The following SVEP1 variants were observed in gnomAD, a reference collection of about 807,000 sequenced individuals.
SVEP1 encodes sushi, von Willebrand factor type A, EGF and pentraxin domain containing 1, also known as sushi, von Willebrand factor type A, EGF and pentraxin domain-containing protein 1.
In SVEP1, 164 loss-of-function variants were observed where a neutral mutation model predicts 367.3. The observed-to-expected ratio is 0.45, with a 90% confidence interval of 0.39 to 0.51. The LOEUF is 0.51. SVEP1 is among the 20% of genes least tolerant of loss of function. The pLI, the probability that SVEP1 is intolerant of heterozygous loss-of-function variation, is 0.00. For missense variants in SVEP1, 4,117 were observed against 4,425.3 expected (o/e 0.93, Z 1.98); for synonymous variants, 1,666 against 1,611.6 (o/e 1.03, Z -0.81).
chr9:110,379,504 A>G lies in SVEP1; in HGVS notation c.10251T>C (p.Gly3417=). The change falls in exon 44 of 48, where the codon GGT becomes GGC. Residue 3417 remains glycine, a synonymous_variant. Coordinates refer to ENST00000374469, the MANE Select transcript of SVEP1 (RefSeq NM_153366.4). ...TSAKCEKISC[G]PPAHVENAIA... ...TTGCATTTTCTACGTGAGCTGGTGG[A>G]CCACATGAGATTTCTACAGGATAAC... is the stretch of plus-strand genomic sequence containing the variant. 2 of 1,613,648 alleles carry G rather than the reference A, an allele frequency of 1.2e-6. No individual in the cohort carries two copies. Among genetic ancestry groups the G allele is most frequent in the Non-Finnish European group, 1.7e-6 (2 of 1,179,716 alleles).
chr9:110,556,128 C>T (rs117715783), intron 1 of SVEP1, among the ~76,000 whole-genome samples: 2,120 of 152,248 alleles, frequency 0.014, 25 homozygotes, highest in South Asian at 0.027. Flanking sequence ...ATCAAGCCTC[C>T]GATTAGCTTG....
chr9:110,446,572 A>G (rs1828603777), intron 25 of SVEP1, among the ~76,000 whole-genome samples: 1 of 151,716 alleles, frequency 6.6e-6, no homozygotes, highest in Admixed American at 6.5e-5. Context: ...CTGATTCTCA[A>G]ACATGTCCAT....
At chr9:110,507,923 C>T (rs1374875845) in intron 5 of SVEP1, among the ~76,000 whole-genome samples, 2 of 152,106 alleles carry the variant, frequency 1.3e-5, no homozygotes, top group Non-Finnish European at 2.9e-5. Context: ...AGAGTCGGTG[C>T]CTCATATAGA....
intron 1 of SVEP1, among the ~76,000 whole-genome samples, chr9:110,565,969 A>G (rs1280820313): frequency 6.6e-6 from 1 of 151,966 alleles, no homozygotes; most frequent in Non-Finnish European, 1.5e-5. Flanking sequence ...CACCTGGTCA[A>G]GTTACTTACA....
In SVEP1 at chr9:110,408,006, C is replaced by A; in HGVS notation, c.7594G>T (p.Gly2532Cys). 1 of 1,614,008 alleles carries A rather than the reference C, an allele frequency of 6.2e-7. No individual in the cohort carries two copies. Among genetic ancestry groups the A allele is most frequent in the Non-Finnish European group, 8.5e-7 (1 of 1,179,896 alleles). The change falls in exon 38 of 48, where the codon GGT becomes TGT. Residue 2532 changes from glycine to cysteine, a missense_variant. Gly to Cys is a radical substitution (Grantham distance 159, BLOSUM62 -3). Transcript: ENST00000374469. ...YSCNRGFRLE[G>C]PSALTCLETG... Reference sequence around the variant, plus strand: ...TCTAAACAGGTCAAGGCACTGGGACCTTCGAGCCGAAAGCCTCGGTTGCAA... The same window carrying A: ...TCTAAACAGGTCAAGGCACTGGGACATTCGAGCCGAAAGCCTCGGTTGCAA...
At chr9:110,395,466 G>A (rs373487469) in intron 40 of SVEP1, among the ~76,000 whole-genome samples, 77 of 151,950 alleles carry the variant, frequency 5.1e-4, no homozygotes, top group Admixed American at 2.0e-3. Context: ...ATAGCCAGCT[G>A]ACATCATAAT....
chr9:110,499,521 AC>A (rs1441051041), intron 6 of SVEP1, among the ~76,000 whole-genome samples: 1 of 152,204 alleles, frequency 6.6e-6, no homozygotes, highest in African/African-American at 2.4e-5. Flanking sequence ...TGCTTGGAGC[AC>A]ATTCATTTAG....
At chr9:110,376,232 A>G (rs1319610) in intron 45 of SVEP1, among the ~76,000 whole-genome samples, 130,689 of 152,162 alleles carry the variant, frequency 0.86, 56,554 homozygotes, top group African/African-American at 0.97. Flanking sequence ...CTTGGGAAGC[A>G]CTGGTATAAT....
intron 4 of SVEP1, 108 bp from the exon 5 acceptor site, chr9:110,513,213 C>T (rs1291321215): frequency 1.9e-6 from 2 of 1,035,952 alleles, no homozygotes; most frequent in East Asian, 2.6e-5. Flanking sequence ...TGTCAATTGC[C>T]TACAGCATTT....
chr9:110,461,006 GTT>G (rs964620108), intron 18 of SVEP1, among the ~76,000 whole-genome samples: 1 of 151,998 alleles, frequency 6.6e-6, no homozygotes, highest in African/African-American at 2.4e-5. Context: ...CTACTTGCTT[GTT>G]TTTTGTATTC....
rs1827850600 is a variant in SVEP1, at chr9:110,400,943, C to G, written c.9733G>C (p.Glu3245Gln). The change falls in exon 40 of 48, where the codon GAA (glutamate) becomes CAA (glutamine). Residue 3245 changes from glutamate (E) to glutamine (Q), a missense_variant. Glu to Gln is a conservative substitution (Grantham distance 29). Around this residue, in one of 4 missense-constraint regions of SVEP1, gnomAD observed 1,765 missense variants for 1,781.1 expected, o/e 0.99. Transcript: ENST00000374469. Reference protein sequence around the residue: ...SCSPVSCGKPESPEHGFVVGS... With the variant: ...SCSPVSCGKPQSPEHGFVVGS... ...ACCACAAATCCATGTTCTGGACTTT[C>G]AGGTTTCCCACAAGAAACTGGACTG... 1.2e-6 allele frequency: 2 copies of G among 1,613,830 alleles called. No individual in the cohort carries two copies. Among genetic ancestry groups the G allele is most frequent in the African/African-American group, 2.7e-5 (2 of 74,930 alleles).
rs71371665 is a variant in SVEP1 at position 110,403,296 on chromosome 9, G to GTTTT, written c.9666+1027_9666+1030dup. 2.3e-3 allele frequency among the ~76,000 whole-genome samples: 99 copies of GTTTT among 43,462 alleles called. 23 individuals carry two copies. The highest frequency in any genetic ancestry group is 2.7e-3 in the Non-Finnish European group (74 of 27,060). 28.5% of individuals were successfully genotyped at this position (43,462 alleles called of 152,430 possible). ...TGATGATTCCTTCCCCGCCACCGCC[G>GTTTT]TTTTTTTTTTTTTTTTTTTTTTTTT... On this transcript the variant is annotated intron_variant, in intron 39 of 47. Coordinates refer to ENST00000374469, the MANE Select transcript of SVEP1 (RefSeq NM_153366.4).
intron 5 of SVEP1, among the ~76,000 whole-genome samples, chr9:110,504,775 A>C (rs1829597449): frequency 6.6e-6 from 1 of 151,708 alleles, no homozygotes; most frequent in Admixed American, 6.6e-5. Context: ...CCTTGATACC[A>C]GCTATACACA....
chr9:110,506,600 C>G (rs13301599), intron 5 of SVEP1, among the ~76,000 whole-genome samples: 42,233 of 152,088 alleles, frequency 0.28, 5,986 homozygotes, highest in Middle Eastern at 0.48. Flanking sequence ...TCCATCAGTT[C>G]CCACACCCTC....
At chr9:110,491,606 T>TGTGG (rs1829367713) in intron 8 of SVEP1, among the ~76,000 whole-genome samples, 1 of 151,618 alleles carries the variant, frequency 6.6e-6, no homozygotes, top group Non-Finnish European at 1.5e-5. Flanking sequence ...TGTGTGTGTG[T>TGTGG]GTGTGTGTGT....
intron 36 of SVEP1, among the ~76,000 whole-genome samples, chr9:110,412,128 T>A (rs1828054042): frequency 6.6e-6 from 1 of 152,208 alleles, no homozygotes; most frequent in Admixed American, 6.5e-5. Flanking sequence ...GCTATACATT[T>A]AAAAAATAAA....
intron 18 of SVEP1, 23 bp downstream of exon 18, chr9:110,465,842 T>C (rs1301215090): frequency 6.2e-7 from 1 of 1,605,398 alleles, no homozygotes; most frequent in Non-Finnish European, 8.5e-7. Flanking sequence ...TAAAGAAATA[T>C]CAATGTCTAA....
At position 110,503,563 on chromosome 9, in the gene SVEP1, A is replaced by AT. The variant is rs542835644; in HGVS notation, c.1304-347dup. On this transcript the variant is annotated intron_variant, in intron 5 of 47. Transcript: ENST00000374469. ...TGCTCTCAGCTGGGCCTTTCCTGTG[A>AT]TTTTTCAGGCTACATTACAACAAAA... Among the ~76,000 whole-genome samples the AT allele has an allele frequency of 1.2e-3, 189 of 152,272 alleles. 1 individual carries two copies. Among genetic ancestry groups the AT allele is most frequent in the African/African-American group, 4.4e-3 (182 of 41,554 alleles).
At chr9:110,491,478 T>A (rs1258797076) in intron 8 of SVEP1, among the ~76,000 whole-genome samples, 1 of 152,064 alleles carries the variant, frequency 6.6e-6, no homozygotes, top group South Asian at 2.1e-4. Flanking sequence ...CCCTTCTTTT[T>A]AAATAGAAAC....
Sources: gnomAD v4.1 joint callset for allele counts (sites outside exome capture counted in the v4.1 genomes callset) on GRCh38, gnomAD v4.1.1 for gene constraint, gnomAD v4.1.1 regional missense constraint, MANE v1.5 for transcripts, NCBI Gene and HGNC (gene_info 2026-07-23, HGNC 2026-07-21) for gene names.